HIVEP3: variants seen among roughly 807,000 people sequenced by gnomAD.
The protein encoded by HIVEP3 is transcription factor HIVEP3.
Under a neutral mutation model 152.8 loss-of-function variants are expected in HIVEP3, and 49 were observed. The ratio of observed to expected loss-of-function variants is 0.32; its 90% CI spans 0.26 to 0.41. The LOEUF (loss-of-function observed/expected upper bound fraction) is 0.41. Ranked by LOEUF, HIVEP3 falls within the 10% of genes least tolerant of loss-of-function variation. The pLI is 1.00. For missense variants in HIVEP3, 2,790 were observed against 3,103.3 expected, an observed-to-expected ratio of 0.90 and a Z score of 2.40; for synonymous variants, 1,269 against 1,289.0, an observed-to-expected ratio of 0.98 and a Z score of 0.33.
chr1:41,897,018 G>A (rs536416481), intron 1 of HIVEP3, among the ~76,000 whole-genome samples: 6 of 152,278 alleles, frequency 3.9e-5, no homozygotes, highest in East Asian at 1.9e-4. Flanking sequence ...ATTCAATGGC[G>A]CTTGCTAACG....
chr1:41,746,012 A>G (rs4660560), intron 1 of HIVEP3, among the ~76,000 whole-genome samples: 60,050 of 152,084 alleles, frequency 0.39, 12,016 homozygotes, highest in East Asian at 0.47. Context: ...AAGCACCAGC[A>G]GCCAGCCCCT....
At chr1:41,896,973 C>T (rs1473471302) in intron 1 of HIVEP3, among the ~76,000 whole-genome samples, 1 of 152,134 alleles carries the variant, frequency 6.6e-6, no homozygotes, top group African/African-American at 2.4e-5. Flanking sequence ...AGGATCCTGA[C>T]AGCAGTCATG....
intron 4 of HIVEP3, among the ~76,000 whole-genome samples, chr1:41,578,137 T>C (rs1644353144): frequency 6.6e-6 from 1 of 152,254 alleles, no homozygotes; most frequent in Non-Finnish European, 1.5e-5. Flanking sequence ...TGTGTGGCCT[T>C]GTGAAAGTTA....
chr1:41,900,504 C>T (rs966104770), intron 1 of HIVEP3, among the ~76,000 whole-genome samples: 4 of 152,108 alleles, frequency 2.6e-5, no homozygotes, highest in Non-Finnish European at 5.9e-5. Flanking sequence ...TATATTATTG[C>T]TTTTACGTTC....
At chr1:42,024,676 G>A (rs1057175157) in intron 1 of HIVEP3, among the ~76,000 whole-genome samples, 15 of 152,038 alleles carry the variant, frequency 9.9e-5, no homozygotes, top group Admixed American at 9.2e-4. Flanking sequence ...CACCCACATG[G>A]TGATCTCTTT....
intron 1 of HIVEP3, among the ~76,000 whole-genome samples, chr1:42,031,711 A>AC (rs1259125461): frequency 6.6e-6 from 1 of 152,110 alleles, no homozygotes; most frequent in Non-Finnish European, 1.5e-5. Context: ...TCCTGGCCCC[A>AC]CCCCCCAAAA....
chr1:41,769,224 C>T (rs541342438), intron 1 of HIVEP3, among the ~76,000 whole-genome samples: 1 of 152,354 alleles, frequency 6.6e-6, no homozygotes, highest in Admixed American at 6.5e-5. Flanking sequence ...TTTACACTTG[C>T]AAAGCATTGT....
At chr1:41,877,872 A>C (rs1258771604) in intron 1 of HIVEP3, among the ~76,000 whole-genome samples, 1 of 152,164 alleles carries the variant, frequency 6.6e-6, no homozygotes, top group Non-Finnish European at 1.5e-5. Flanking sequence ...GTTTTTAATG[A>C]TAATCAGATA....
At chr1:42,026,340 T>C (rs905149992) in intron 1 of HIVEP3, among the ~76,000 whole-genome samples, 25 of 152,226 alleles carry the variant, frequency 1.6e-4, no homozygotes, top group Non-Finnish European at 8.8e-5. Context: ...AAAGTCTATA[T>C]TTATTAGGAT....
intron 5 of HIVEP3, among the ~76,000 whole-genome samples, chr1:41,537,851 G>A (rs775464429): frequency 2.0e-5 from 3 of 152,182 alleles, no homozygotes; most frequent in Non-Finnish European, 2.9e-5. Flanking sequence ...GGAATTCCAC[G>A]GCACGCAGGC....
At chr1:41,643,366 C>A (rs938513075) in intron 2 of HIVEP3, among the ~76,000 whole-genome samples, 2 of 152,228 alleles carry the variant, frequency 1.3e-5, no homozygotes, top group Non-Finnish European at 2.9e-5. Context: ...GGGTCTTCCT[C>A]GCAGACAGGG....
At chr1:41,649,426 G>A (rs1645512072) in intron 2 of HIVEP3, among the ~76,000 whole-genome samples, 1 of 152,190 alleles carries the variant, frequency 6.6e-6, no homozygotes, top group African/African-American at 2.4e-5. Context: ...TAGTCAACAG[G>A]CCACACTGCA....
At chr1:41,912,124 T>A (rs780775977) in intron 1 of HIVEP3, among the ~76,000 whole-genome samples, 33 of 151,840 alleles carry the variant, frequency 2.2e-4, no homozygotes, top group Non-Finnish European at 4.4e-5. Flanking sequence ...GATAAGACAA[T>A]AAAGAAAAGC....
intron 1 of HIVEP3, among the ~76,000 whole-genome samples, chr1:41,821,693 G>A (rs958176012): frequency 9.9e-5 from 15 of 152,220 alleles, no homozygotes; most frequent in African/African-American, 3.6e-4. Context: ...CCCAGGCACT[G>A]TCTGAATCCT....
At chr1:41,867,971 C>T (rs1260250116) in intron 1 of HIVEP3, among the ~76,000 whole-genome samples, 1 of 149,190 alleles carries the variant, frequency 6.7e-6, no homozygotes, top group African/African-American at 2.5e-5. Flanking sequence ...CCATCTCACT[C>T]AAAATAAAAG....
At chr1:41,632,774 A>T (rs563261301) in intron 2 of HIVEP3, among the ~76,000 whole-genome samples, 8 of 151,954 alleles carry the variant, frequency 5.3e-5, no homozygotes, top group African/African-American at 1.9e-4. Flanking sequence ...AAAAAAGAAT[A>T]AAAAAAAGAT....
chr1:41,541,166 T>C (rs147977380), intron 5 of HIVEP3, among the ~76,000 whole-genome samples: 1 of 152,278 alleles, frequency 6.6e-6, no homozygotes, highest in African/African-American at 2.4e-5. Context: ...CACCCGCCCA[T>C]GGAGGGTGTG....
At chr1:41,564,759 C>T (rs931213473) in intron 5 of HIVEP3, among the ~76,000 whole-genome samples, 1 of 152,244 alleles carries the variant, frequency 6.6e-6, no homozygotes, top group African/African-American at 2.4e-5. Context: ...TCTCATGCAT[C>T]TTCTCTGAAG....
intron 1 of HIVEP3, among the ~76,000 whole-genome samples, chr1:41,991,766 C>T (rs1405886234): frequency 1.5e-4 from 22 of 144,488 alleles, no homozygotes; most frequent in African/African-American, 4.7e-4. Flanking sequence ...ACTGGCAAAA[C>T]GAATCCAGCA....
Sources: allele counts gnomAD v4.1 joint callset (sites outside exome capture counted in the v4.1 genomes callset), GRCh38; gene constraint gnomAD v4.1.1; transcripts MANE v1.5; gene names NCBI Gene and HGNC (gene_info 2026-07-23, HGNC 2026-07-21).